The following GPRIN3 variants were observed in gnomAD, a reference collection of about 807,000 sequenced individuals.
GPRIN3 encodes GPRIN family member 3.
In GPRIN3, 12 loss-of-function variants were observed where a neutral mutation model predicts 13.7. The observed-to-expected ratio is 0.87, with a 90% CI of 0.56 to 1.42. The LOEUF is 1.42. GPRIN3 is among the 40% of genes most tolerant of loss of function. GPRIN3 has a pLI of 0.00. For missense variants in GPRIN3, 1,009 were observed against 958.7 expected (o/e 1.05, Z -0.69); for synonymous variants, 377 against 372.7 (o/e 1.01, Z -0.13).
In GPRIN3 at chr4:89,247,203, T is replaced by A. The variant is rs1723125312; in HGVS notation, c.*577A>T. 1 of 152,230 alleles carries A rather than the reference T, an allele frequency of 6.6e-6. No homozygotes were observed. Among genetic ancestry groups the A allele is most frequent in the Non-Finnish European group, 1.5e-5 (1 of 68,032 alleles). The allele number at this position is 152,230 out of a possible 1,614,324, so 9.4% of individuals were successfully genotyped here. On this transcript the variant is annotated 3_prime_UTR_variant, in exon 2 of 2. Coordinates refer to ENST00000609438, the MANE Select transcript of GPRIN3 (RefSeq NM_198281.3). The stretch of plus-strand genomic sequence containing the variant: ...ATGTTTATAAACATTAATTCATATT[T>A]CATATTTTACACATTTAACTGTTTT...
At chr4:89,298,131 T>G (rs2110023430) in intron 1 of GPRIN3, among the ~76,000 whole-genome samples, 1 of 152,308 alleles carries the variant, frequency 6.6e-6, no homozygotes, top group South Asian at 2.1e-4. Flanking sequence ...GGTATCCTCA[T>G]GAGAAAGAAA....
Position 89,245,611 on chromosome 4 carries a change from C to A in GPRIN3, c.*2169G>T, listed in dbSNP as rs1723074003. Reference sequence around the variant, plus strand: ...TACAGCAGAGGATTACCTGGGGCCACCCATCTGGAGTAGGCCCTGTTGACA... The same window carrying A: ...TACAGCAGAGGATTACCTGGGGCCAACCATCTGGAGTAGGCCCTGTTGACA... On this transcript the variant is annotated 3_prime_UTR_variant, in exon 2 of 2. Coordinates refer to ENST00000609438, the MANE Select transcript of GPRIN3 (RefSeq NM_198281.3). 3 of 152,220 alleles carry A rather than the reference C, an allele frequency of 2.0e-5. No homozygotes were observed. Among genetic ancestry groups the A allele is most frequent in the African/African-American group, 7.2e-5 (3 of 41,448 alleles). The allele number at this position is 152,220 out of a possible 1,614,324, so 9.4% of individuals were successfully genotyped here.
chr4:89,249,490 C>T lies in GPRIN3; in HGVS notation c.621G>A (p.Arg207=). 1 of 1,614,126 alleles carries T rather than the reference C, an allele frequency of 6.2e-7. No homozygotes were observed. Among genetic ancestry groups the T allele is most frequent in the Non-Finnish European group, 8.5e-7 (1 of 1,180,008 alleles). The stretch of plus-strand genomic sequence containing the variant: ...CAGGAGAGGATGAGTGACTGACCAC[C>T]CTGGCTGCTGTCACTGGAGTCTGCA... ...GTVQTPVTAA[R]VVSHSSSPVG... Residue 207 remains arginine (R), a synonymous_variant, in exon 2 of 2, where the codon AGG becomes AGA. Coordinates refer to ENST00000609438, the MANE Select transcript of GPRIN3 (RefSeq NM_198281.3).
At position 89,303,363 on chromosome 4, in the gene GPRIN3, C is replaced by T. The variant is rs1490012946; in HGVS notation, c.-124+4252G>A. On this transcript the variant is annotated intron_variant, in intron 1 of 1. Transcript: ENST00000609438. ...TGCATTCTGAGAAATGAAATAATCA[C>T]GCCACAATGTGGTGTATCTCGTAAT... Among the ~76,000 whole-genome samples the T allele has an allele frequency of 5.9e-5, 9 of 152,222 alleles. No homozygotes were observed. The South Asian group carries it at 8.3e-4, about 14-fold the overall frequency.
In GPRIN3 at chr4:89,249,494, G is replaced by A; in HGVS notation, c.617C>T (p.Ala206Val). The part of the protein sequence containing the change: ...QGTVQTPVTA[A>V]RVVSHSSSPV... ...AGAGGATGAGTGACTGACCACCCTG[G>A]CTGCTGTCACTGGAGTCTGCACTGT... The change falls in exon 2 of 2, where the codon GCC becomes GTC. Residue 206 changes from alanine (A) to valine (V), a missense_variant. Transcript: ENST00000609438. 2 of 1,614,100 alleles carry A rather than the reference G, an allele frequency of 1.2e-6. No individual in the cohort carries two copies. Among genetic ancestry groups the A allele is most frequent in the East Asian group, 2.2e-5 (1 of 44,874 alleles).
In GPRIN3 at chr4:89,248,262, G is replaced by A. The variant is rs370678886; in HGVS notation, c.1849C>T (p.Pro617Ser). 1 of 1,614,164 alleles carries A rather than the reference G, an allele frequency of 6.2e-7. No individual in the cohort carries two copies. The highest frequency in any genetic ancestry group is 8.5e-7 in the Non-Finnish European group (1 of 1,180,016). The change falls in exon 2 of 2, where the codon CCA becomes TCA. Residue 617 changes from proline to serine, a missense_variant. Transcript: ENST00000609438. ...GATGGGGTCTTCTTGCCAGAACCTG[G>A]GCTGGAGTCACCCATGGGATCAGAT... Reference protein sequence around the residue: ...LPSDPMGDSSPGSGKKTPSRS... With the variant: ...LPSDPMGDSSSGSGKKTPSRS...
intron 1 of GPRIN3, among the ~76,000 whole-genome samples, chr4:89,256,535 G>A (rs1214626286): frequency 6.6e-6 from 1 of 152,198 alleles, no homozygotes; most frequent in Admixed American, 6.5e-5. Context: ...GCATTAAGCA[G>A]AACGGATGGG....
intron 1 of GPRIN3, among the ~76,000 whole-genome samples, chr4:89,255,294 T>C (rs1307558713): frequency 6.6e-6 from 1 of 152,194 alleles, no homozygotes; most frequent in African/African-American, 2.4e-5. Context: ...TACAGCCTCA[T>C]TGGGTTGTCA....
rs1006047470 is a variant in GPRIN3 at position 89,240,448 on chromosome 4, T to A, written c.*7332A>T. 4 of 152,202 alleles carry A rather than the reference T, an allele frequency of 2.6e-5. No homozygotes were observed. Among genetic ancestry groups the A allele is most frequent in the African/African-American group, 9.7e-5 (4 of 41,442 alleles). 9.4% of individuals were successfully genotyped at this position (152,202 alleles called of 1,614,324 possible). A position where few individuals can be genotyped will look rare whatever the true frequency, so the allele number is the denominator to read the frequency against. On this transcript the variant is annotated 3_prime_UTR_variant, in exon 2 of 2. Coordinates refer to ENST00000609438, the MANE Select transcript of GPRIN3 (RefSeq NM_198281.3). The stretch of plus-strand genomic sequence containing the variant: ...TGCCTGTGATCATATCCACTTTGAG[T>A]GATTATACATGCTTGAAATCTAGGG...
chr4:89,285,446 A>G lies in GPRIN3; in HGVS notation c.-124+22169T>C, dbSNP rs116611786. Among the ~76,000 whole-genome samples the G allele has an allele frequency of 5.4e-3, 829 of 152,306 alleles. 7 individuals carry two copies. Among genetic ancestry groups the G allele is most frequent in the African/African-American group, 0.019 (792 of 41,570 alleles). On this transcript the variant is annotated intron_variant, in intron 1 of 1. Coordinates refer to ENST00000609438, the MANE Select transcript of GPRIN3 (RefSeq NM_198281.3). ...ATGTGGCATGGCCAGCCTCGCATCA[A>G]TTAAACTTTTTCTTTACTGCAATGC...
intron 1 of GPRIN3, among the ~76,000 whole-genome samples, chr4:89,292,051 G>C (rs1442237681): frequency 6.6e-6 from 1 of 152,080 alleles, no homozygotes; most frequent in Non-Finnish European, 1.5e-5. Flanking sequence ...TGTACATGAA[G>C]CTCTGCCACC....
intron 1 of GPRIN3, among the ~76,000 whole-genome samples, chr4:89,263,222 G>A (rs993864222): frequency 1.3e-5 from 2 of 152,192 alleles, no homozygotes; most frequent in Admixed American, 6.5e-5. Context: ...ACTTCTCTGT[G>A]CATAAAAAAT....
At chr4:89,278,011 C>T (rs1335018972) in intron 1 of GPRIN3, among the ~76,000 whole-genome samples, 1 of 152,138 alleles carries the variant, frequency 6.6e-6, no homozygotes, top group African/African-American at 2.4e-5. Flanking sequence ...CTTTATAAAT[C>T]CATGTATCAG....
chr4:89,272,322 GGCAATT>G (rs1168501116), intron 1 of GPRIN3, among the ~76,000 whole-genome samples: 1 of 152,154 alleles, frequency 6.6e-6, no homozygotes, highest in East Asian at 1.9e-4. Flanking sequence ...CTCATAAAAT[GGCAATT>G]GCTGGTGTTG....
At chr4:89,264,645 G>A (rs368853555) in intron 1 of GPRIN3, among the ~76,000 whole-genome samples, 1 of 152,160 alleles carries the variant, frequency 6.6e-6, no homozygotes, top group Admixed American at 6.5e-5. Context: ...AGCAGGTGAG[G>A]ACAGAATAAG....
In GPRIN3 at chr4:89,243,222, T is replaced by C. The variant is rs1324381876; in HGVS notation, c.*4558A>G. 6.6e-6 allele frequency: 1 copy of C among 152,196 alleles called. No individual in the cohort carries two copies. The highest frequency in any genetic ancestry group is 1.9e-4 in the East Asian group (1 of 5,200). The allele number at this position is 152,196 out of a possible 1,614,324, so 9.4% of individuals were successfully genotyped here. A position where few individuals can be genotyped will look rare whatever the true frequency, so the allele number is the denominator to read the frequency against. On this transcript the variant is annotated 3_prime_UTR_variant, in exon 2 of 2. Transcript: ENST00000609438. Reference sequence around the variant, plus strand: ...GTAGGATAAAGTTCATGGAAATCTGTTTCAGTATTTACAAGACTATTTTTT... The same window carrying C: ...GTAGGATAAAGTTCATGGAAATCTGCTTCAGTATTTACAAGACTATTTTTT...
intron 1 of GPRIN3, among the ~76,000 whole-genome samples, chr4:89,266,948 A>T (rs1483611388): frequency 6.6e-6 from 1 of 152,238 alleles, no homozygotes; most frequent in African/African-American, 2.4e-5. Flanking sequence ...GTGATGCTAT[A>T]GGCTGCAATA....
intron 1 of GPRIN3, among the ~76,000 whole-genome samples, chr4:89,253,138 A>G (rs562502810): frequency 1.2e-4 from 18 of 152,166 alleles, no homozygotes; most frequent in Admixed American, 9.8e-4. Context: ...TTCCAAAAAC[A>G]CTGCAAGCCC....
intron 1 of GPRIN3, among the ~76,000 whole-genome samples, chr4:89,284,593 TG>T (rs1457220886): frequency 6.6e-6 from 1 of 152,212 alleles, no homozygotes; most frequent in Non-Finnish European, 1.5e-5. Flanking sequence ...TAGAATTACT[TG>T]GGCTTTCTTA....
Sources: gnomAD v4.1 joint callset for allele counts (sites outside exome capture counted in the v4.1 genomes callset) on GRCh38, gnomAD v4.1.1 for gene constraint, MANE v1.5 for transcripts, NCBI Gene and HGNC (gene_info 2026-07-23, HGNC 2026-07-21) for gene names.